The following ABLIM2 variants were observed in gnomAD, a reference collection of about 807,000 sequenced individuals.
The protein encoded by ABLIM2 is actin-binding LIM protein 2.
Under a neutral mutation model 97.7 loss-of-function variants are expected in ABLIM2, and 53 were observed. The ratio of observed to expected loss-of-function variants is 0.54; its 90% CI spans 0.44 to 0.68. The LOEUF is 0.68. Among genes scored for constraint, ABLIM2 ranks in the 30% least tolerant of loss-of-function variants. The pLI, the probability that ABLIM2 is intolerant of heterozygous loss-of-function variation, is 0.00. For missense variants in ABLIM2, 835 were observed against 867.2 expected (o/e 0.96, Z 0.47); for synonymous variants, 361 against 345.8 (o/e 1.04, Z -0.49).
chr4:8,111,926 C>CA (rs59261859), intron 1 of ABLIM2, among the ~76,000 whole-genome samples: 102,270 of 121,302 alleles, frequency 0.84, 44,173 homozygotes, highest in Non-Finnish European at 0.95. Flanking sequence ...GACTCTGTCT[C>CA]AAAAAAAAAA....
chr4:7,970,327 G>A lies in ABLIM2; in HGVS notation c.1825-3224C>T, dbSNP rs1027289632. 3.9e-5 allele frequency among the ~76,000 whole-genome samples: 6 copies of A among 152,042 alleles called. No homozygotes were observed. Among genetic ancestry groups the A allele is most frequent in the East Asian group, 1.9e-4 (1 of 5,134 alleles). On this transcript the variant is annotated intron_variant, in intron 20 of 20. Transcript: ENST00000447017. This position sits in a 1 kb window ranked among gnomAD's most constrained non-coding sequence, Gnocchi z 5.3. Reference sequence around the variant, plus strand: ...TGCTGGGGGAGGCTAAGGGAGGGGCGCAAAGGTGCTGGTGGGCAGAGGGAA... The same window carrying A: ...TGCTGGGGGAGGCTAAGGGAGGGGCACAAAGGTGCTGGTGGGCAGAGGGAA...
intron 7 of ABLIM2, among the ~76,000 whole-genome samples, chr4:8,060,628 G>T (rs895190422): frequency 1.3e-5 from 2 of 152,188 alleles, no homozygotes; most frequent in Non-Finnish European, 2.9e-5. Context: ...TTTCTAGAAG[G>T]GGCCTAAAGT....
chr4:8,030,341 T>C (rs1174075004), intron 10 of ABLIM2, among the ~76,000 whole-genome samples: 1 of 152,114 alleles, frequency 6.6e-6, no homozygotes, highest in Non-Finnish European at 1.5e-5. Context: ...AGGCAGGTGG[T>C]GTGGGGTGGC....
At chr4:8,029,582 A>G in intron 11 of ABLIM2, 74 bp downstream of exon 11, 1 of 1,332,944 alleles carries the variant, frequency 7.5e-7, no homozygotes, top group Non-Finnish European at 9.7e-7. Flanking sequence ...CCGAAAAAAA[A>G]AACTAAAAAA....
chr4:8,113,821 CCAGAGCGGGTCACA>C lies in ABLIM2; in HGVS notation c.11-7198_11-7185del, dbSNP rs1490291139. On this transcript the variant is annotated intron_variant, in intron 1 of 20. Coordinates refer to ENST00000447017, the MANE Select transcript of ABLIM2 (RefSeq NM_001130083.2). The surrounding 1 kb of genome is among the most constrained non-coding windows in gnomAD (Gnocchi z 4.5). ...ATGAACTCCAGAGGTCCCGGCTCAC[CCAGAGCGGGTCACA>C]GGACACACAGTTCCAGCTTCCCTTT... 6.6e-6 allele frequency among the ~76,000 whole-genome samples: 1 copy of C among 152,218 alleles called. No individual in the cohort carries two copies. Among genetic ancestry groups the C allele is most frequent in the Non-Finnish European group, 1.5e-5 (1 of 68,038 alleles).
In ABLIM2 at chr4:8,033,622, G is replaced by GC. The variant is rs1267413783; in HGVS notation, c.1047+2526dup. 6.6e-6 allele frequency among the ~76,000 whole-genome samples: 1 copy of GC among 152,194 alleles called. No homozygotes were observed. The highest frequency in any genetic ancestry group is 2.4e-5 in the African/African-American group (1 of 41,456). ...GTGCCACTGTTTAGCAGAGCGGGAGGCCAACCCAGGTCTCCCCAGAGGGAG... is the reference window on the plus strand; with the variant it reads ...GTGCCACTGTTTAGCAGAGCGGGAGGCCCAACCCAGGTCTCCCCAGAGGGAG... On this transcript the variant is annotated intron_variant, in intron 10 of 20. Coordinates refer to ENST00000447017, the MANE Select transcript of ABLIM2 (RefSeq NM_001130083.2). The surrounding 1 kb of genome is among the most constrained non-coding windows in gnomAD (Gnocchi z 4.5).
chr4:8,072,455 G>C lies in ABLIM2; in HGVS notation c.675+5173C>G, dbSNP rs535773186. Among the ~76,000 whole-genome samples the C allele has an allele frequency of 6.6e-6, 1 of 152,210 alleles. No homozygotes were observed. Among genetic ancestry groups the C allele is most frequent in the African/African-American group, 2.4e-5 (1 of 41,452 alleles). ...CTGGTGTGGGGGCTGCTGCCCATGG[G>C]TGTCAGAAACGCGGGGCAGGTGAGG... On this transcript the variant is annotated intron_variant, in intron 6 of 20. Coordinates refer to ENST00000447017, the MANE Select transcript of ABLIM2 (RefSeq NM_001130083.2). The surrounding 1 kb of genome is among the most constrained non-coding windows in gnomAD (Gnocchi z 5.8).
chr4:8,114,804 C>CT (rs398106968), intron 1 of ABLIM2, among the ~76,000 whole-genome samples: 11 of 152,082 alleles, frequency 7.2e-5, no homozygotes, highest in East Asian at 1.9e-4. Context: ...GCCACCGCCC[C>CT]GTCCCCAAAC....
rs962085791 is a variant in ABLIM2 at position 8,043,202 on chromosome 4, C to T, written c.900+1962G>A. Among the ~76,000 whole-genome samples the T allele has an allele frequency of 7.2e-5, 11 of 152,086 alleles. No homozygotes were observed. The highest frequency in any genetic ancestry group is 1.3e-4 in the Non-Finnish European group (9 of 68,024). On this transcript the variant is annotated intron_variant, in intron 9 of 20. Transcript: ENST00000447017. The surrounding 1 kb of genome is among the most constrained non-coding windows in gnomAD (Gnocchi z 4.8). ...CTCCCTGGGTCTTTGGACCTGCGTC[C>T]CTGAAGGCTCCTGTGTCACCTAAAA...
rs1006850147 is a variant in ABLIM2 at position 8,150,592 on chromosome 4, G to C, written c.10+8088C>G. The stretch of plus-strand genomic sequence containing the variant: ...ACCAAAGTCCCAAACTTCCAGCACA[G>C]GGTGCGAGCTCCGTGCCGGAGGCGG... On this transcript the variant is annotated intron_variant, in intron 1 of 20. Coordinates refer to ENST00000447017, the MANE Select transcript of ABLIM2 (RefSeq NM_001130083.2). This position sits in a 1 kb window ranked among gnomAD's most constrained non-coding sequence, Gnocchi z 6.3. Among the ~76,000 whole-genome samples the C allele has an allele frequency of 2.0e-5, 3 of 152,252 alleles. No individual in the cohort carries two copies. In the East Asian group the frequency reaches 5.8e-4, roughly 29 times the overall value.
Position 8,019,639 on chromosome 4 carries a change from G to A in ABLIM2, c.1402C>T (p.Pro468Ser), listed in dbSNP as rs751376594. Residue 468 changes from proline (P) to serine (S), a missense_variant, in exon 14 of 21, where the codon CCC becomes TCC. Physicochemically the swap from Pro to Ser is moderately conservative, Grantham distance 74. Coordinates refer to ENST00000447017, the MANE Select transcript of ABLIM2 (RefSeq NM_001130083.2). This position sits in a 1 kb window ranked among gnomAD's most constrained non-coding sequence, Gnocchi z 4.3. ...TGVKDNIYRK[P>S]PIYRQHAARR... is the part of the protein sequence containing the mutation. ...GTACCATGCTGTCTGTAGATAGGGG[G>A]TTTCCTATAGATGTTATCTTTTACG... is the stretch of plus-strand genomic sequence containing the variant. The A allele has an allele frequency of 2.5e-6, 4 of 1,612,466 alleles. No homozygotes were observed. The highest frequency in any genetic ancestry group is 1.3e-5 in the African/African-American group (1 of 74,934).
At chr4:8,024,439 C>A (rs10049904) in intron 12 of ABLIM2, among the ~76,000 whole-genome samples, 3 of 152,106 alleles carry the variant, frequency 2.0e-5, no homozygotes, top group African/African-American at 7.2e-5. Flanking sequence ...TTGCCTCGGG[C>A]AGCCGCCCCC....
Position 8,128,914 on chromosome 4 carries a change from G to A in ABLIM2, c.11-22277C>T, listed in dbSNP as rs944273765. 1.3e-5 allele frequency among the ~76,000 whole-genome samples: 2 copies of A among 152,162 alleles called. No homozygotes were observed. The highest frequency in any genetic ancestry group is 2.9e-5 in the Non-Finnish European group (2 of 68,028). Reference sequence around the variant, plus strand: ...CAGAGCCCGACCATGCTGGCACTCTGATCTTGGACTTCCAGCCTCCAGAAC... The same window carrying A: ...CAGAGCCCGACCATGCTGGCACTCTAATCTTGGACTTCCAGCCTCCAGAAC... On this transcript the variant is annotated intron_variant, in intron 1 of 20. Transcript: ENST00000447017. This position sits in a 1 kb window ranked among gnomAD's most constrained non-coding sequence, Gnocchi z 4.9.
rs1185088189 is a variant in ABLIM2, at chr4:8,029,848, G to A, written c.1048-72C>T. On this transcript the variant is annotated intron_variant, in intron 10 of 20. Transcript: ENST00000447017. ...CCCACCCCTTGTCCACCCATCCCCC[G>A]ACACCATTTGGTGTTTGCCCTCCTG... 5.7e-5 allele frequency: 86 copies of A among 1,515,522 alleles called. No homozygotes were observed. In the East Asian group the frequency reaches 1.1e-3, roughly 20 times the overall value. 93.9% of individuals were successfully genotyped at this position (1,515,522 alleles called of 1,614,324 possible).
chr4:8,049,242 G>C (rs1039424059), intron 8 of ABLIM2, among the ~76,000 whole-genome samples: 2 of 152,242 alleles, frequency 1.3e-5, no homozygotes, highest in African/African-American at 4.8e-5. Flanking sequence ...ACACACAGTA[G>C]GTGCTTCGTG....
chr4:8,136,918 A>C (rs1878521), intron 1 of ABLIM2, among the ~76,000 whole-genome samples: 13,797 of 152,222 alleles, frequency 0.091, 665 homozygotes, highest in South Asian at 0.12. Context: ...TGTGTGAGAA[A>C]ATCCTAACTC....
chr4:7,998,517 C>T lies in ABLIM2; in HGVS notation c.1619-5590G>A. The T allele has an allele frequency of 2.2e-6, 1 of 445,538 alleles. No homozygotes were observed. Among genetic ancestry groups the T allele is most frequent in the African/African-American group, 2.0e-5 (1 of 49,946 alleles). 27.6% of individuals were successfully genotyped at this position (445,538 alleles called of 1,614,324 possible). On this transcript the variant is annotated intron_variant, in intron 16 of 20. Coordinates refer to ENST00000447017, the MANE Select transcript of ABLIM2 (RefSeq NM_001130083.2). The surrounding 1 kb of genome is among the most constrained non-coding windows in gnomAD (Gnocchi z 6.4). ...GGATAAAATGCCCTTCTTGGGGTGT[C>T]CTGTGTCGCTGGGTGGGGGTGGGAG...
At chr4:7,974,692 T>A in intron 20 of ABLIM2, among the ~76,000 whole-genome samples, 1 of 150,298 alleles carries the variant, frequency 6.7e-6, no homozygotes, top group South Asian at 2.1e-4. Flanking sequence ...CACCAACCCA[T>A]CCATCCACCC....
chr4:7,978,608 A>T (rs1279215555), intron 20 of ABLIM2, among the ~76,000 whole-genome samples: 1 of 152,182 alleles, frequency 6.6e-6, no homozygotes, highest in Admixed American at 6.5e-5. Flanking sequence ...CTCCAGCACC[A>T]TTAGACAGCC....
Sources: gnomAD v4.1 joint callset for allele counts (sites outside exome capture counted in the v4.1 genomes callset) on GRCh38, gnomAD v4.1.1 for gene constraint, Gnocchi (gnomAD v3.1) non-coding constraint, MANE v1.5 for transcripts, NCBI Gene and HGNC (gene_info 2026-07-23, HGNC 2026-07-21) for gene names.